FAF2: variants seen among roughly 807,000 people sequenced by gnomAD.
FAF2 encodes FAS-associated factor 2.
Under a neutral mutation model 62.3 loss-of-function variants are expected in FAF2, and 9 were observed. That is an observed-to-expected ratio of 0.14 (90% CI 0.09 to 0.25). FAF2 has a LOEUF of 0.25. FAF2 is among the 10% of genes least tolerant of loss of function. The pLI is 1.00. For synonymous variants in FAF2, 202 were observed against 198.0 expected (o/e 1.02, Z -0.17); for missense variants, 368 against 556.2 (o/e 0.66, Z 3.40).
At chr5:176,495,879 G>C (rs147568357) in intron 7 of FAF2, among the ~76,000 whole-genome samples, 1 of 152,106 alleles carries the variant, frequency 6.6e-6, no homozygotes, top group Admixed American at 6.6e-5. Context: ...GAAAAGTTAC[G>C]TGGGGAGAAA....
At chr5:176,465,612 C>T (rs938781749) in intron 1 of FAF2, among the ~76,000 whole-genome samples, 1 of 152,112 alleles carries the variant, frequency 6.6e-6, no homozygotes, top group African/African-American at 2.4e-5. Context: ...GGTGATCTGC[C>T]CTCCTTGGCC....
intron 7 of FAF2, among the ~76,000 whole-genome samples, chr5:176,495,920 A>G (rs1755457911): frequency 6.6e-6 from 1 of 152,186 alleles, no homozygotes; most frequent in Admixed American, 6.6e-5. Context: ...AAGAGAAAAA[A>G]AAATGATGAT....
intron 8 of FAF2, 118 bp from the exon 9 acceptor site, chr5:176,498,796 A>G: frequency 1.0e-6 from 1 of 956,856 alleles, no homozygotes; most frequent in Non-Finnish European, 1.4e-6. Context: ...TGAAATCGTC[A>G]TCTGCTAAGA....
At chr5:176,501,588 G>T (rs1394954095) in intron 10 of FAF2, among the ~76,000 whole-genome samples, 1 of 152,212 alleles carries the variant, frequency 6.6e-6, no homozygotes, top group Non-Finnish European at 1.5e-5. Context: ...GTGAGACATG[G>T]TTTTGGAATT....
At chr5:176,504,262 G>A (rs1755641625) in intron 10 of FAF2, among the ~76,000 whole-genome samples, 1 of 152,034 alleles carries the variant, frequency 6.6e-6, no homozygotes, top group Non-Finnish European at 1.5e-5. Flanking sequence ...GGTCACCTGA[G>A]GTCAGGAGTT....
chr5:176,473,592 TC>T (rs1758611773), intron 1 of FAF2, among the ~76,000 whole-genome samples: 1 of 152,248 alleles, frequency 6.6e-6, no homozygotes, highest in South Asian at 2.1e-4. Context: ...ATGTTCTACT[TC>T]CTTGAAGGTA....
intron 1 of FAF2, among the ~76,000 whole-genome samples, chr5:176,477,261 T>C (rs1481581082): frequency 6.7e-6 from 1 of 148,348 alleles, no homozygotes; most frequent in African/African-American, 2.5e-5. Context: ...TTTTTTTTTT[T>C]TTTAAGTAGA....
At position 176,507,036 on chromosome 5, in the gene FAF2, CAA is replaced by C. The variant is rs1451382910; in HGVS notation, c.*87_*88del. 7.5e-5 allele frequency: 63 copies of C among 842,648 alleles called. No individual in the cohort carries two copies. Among genetic ancestry groups the C allele is most frequent in the African/African-American group, 1.4e-4 (8 of 56,304 alleles). 52.2% of individuals were successfully genotyped at this position (842,648 alleles called of 1,614,324 possible). A position where few individuals can be genotyped will look rare whatever the true frequency, so the allele number is the denominator to read the frequency against. On this transcript the variant is annotated 3_prime_UTR_variant, in exon 11 of 11. Coordinates refer to ENST00000261942, the MANE Select transcript of FAF2 (RefSeq NM_014613.3). Reference sequence around the variant, plus strand: ...ACAACAGCAAGTCAGAAAAAAAAAACAAGAGAGAGAAATTCATATTATTATTA... The same window carrying C: ...ACAACAGCAAGTCAGAAAAAAAAAACGAGAGAGAAATTCATATTATTATTA...
chr5:176,494,934 C>T lies in FAF2; in HGVS notation c.661+659C>T, dbSNP rs150654868. ...CAGCATTGCCAAAGCCTGCCACATT[C>T]ATAGAAATACCCAGTCTTGGCTAGC... On this transcript the variant is annotated intron_variant, in intron 7 of 10. Coordinates refer to ENST00000261942, the MANE Select transcript of FAF2 (RefSeq NM_014613.3). This position sits in a 1 kb window ranked among gnomAD's most constrained non-coding sequence, Gnocchi z 4.0. 1.5e-3 allele frequency among the ~76,000 whole-genome samples: 230 copies of T among 152,324 alleles called. No individual in the cohort carries two copies. Among genetic ancestry groups the T allele is most frequent in the African/African-American group, 5.2e-3 (218 of 41,574 alleles).
intron 4 of FAF2, among the ~76,000 whole-genome samples, chr5:176,490,174 G>A (rs547287528): frequency 5.9e-5 from 9 of 152,154 alleles, no homozygotes; most frequent in South Asian, 2.1e-4. Context: ...AGCCGGGCGC[G>A]GTGGCTGGTG....
At position 176,509,158 on chromosome 5, in the gene FAF2, C is replaced by T. The variant is rs1375373846; in HGVS notation, c.*2208C>T. Reference sequence around the variant, plus strand: ...CAAGAGGATTCACCGGAAGCACATGCCCCGGTCTAGTCCCATTTGAAACAG... The same window carrying T: ...CAAGAGGATTCACCGGAAGCACATGTCCCGGTCTAGTCCCATTTGAAACAG... On this transcript the variant is annotated 3_prime_UTR_variant, in exon 11 of 11. Coordinates refer to ENST00000261942, the MANE Select transcript of FAF2 (RefSeq NM_014613.3). 6.6e-6 allele frequency: 1 copy of T among 152,208 alleles called. No individual in the cohort carries two copies. Among genetic ancestry groups the T allele is most frequent in the African/African-American group, 2.4e-5 (1 of 41,430 alleles). 9.4% of individuals were successfully genotyped at this position (152,208 alleles called of 1,614,324 possible). A position where few individuals can be genotyped will look rare whatever the true frequency, so the allele number is the denominator to read the frequency against.
intron 2 of FAF2, among the ~76,000 whole-genome samples, chr5:176,481,523 G>C (rs972139503): frequency 6.6e-5 from 10 of 151,992 alleles, no homozygotes; most frequent in Non-Finnish European, 1.5e-4. Flanking sequence ...CAGGTGTGGT[G>C]GTGGGCGCCT....
At chr5:176,452,299 C>G (rs905167256) in intron 1 of FAF2, among the ~76,000 whole-genome samples, 13 of 152,104 alleles carry the variant, frequency 8.5e-5, no homozygotes, top group Non-Finnish European at 1.8e-4. Context: ...CTCAGGTGAT[C>G]CACCTGCCTC....
rs187720512 is a variant in FAF2 at position 176,481,345 on chromosome 5, C to T, written c.132+2089C>T. Among the ~76,000 whole-genome samples the T allele has an allele frequency of 7.2e-5, 11 of 152,216 alleles. No individual in the cohort carries two copies. In the East Asian group the frequency reaches 2.0e-3, roughly 27 times the overall value. On this transcript the variant is annotated intron_variant, in intron 2 of 10. Coordinates refer to ENST00000261942, the MANE Select transcript of FAF2 (RefSeq NM_014613.3). Reference sequence around the variant, plus strand: ...ACAGGCATGAGCCACCACACCTGGCCTTGTTTTTTTCTTTCTAAGAGACAG... The same window carrying T: ...ACAGGCATGAGCCACCACACCTGGCTTTGTTTTTTTCTTTCTAAGAGACAG...
At chr5:176,506,024 G>A (rs2963678) in intron 10 of FAF2, among the ~76,000 whole-genome samples, 126,154 of 151,802 alleles carry the variant, frequency 0.83, 52,594 homozygotes, top group African/African-American at 0.91. Context: ...CCCCATCTCT[G>A]CTAAAAATAC....
At chr5:176,464,746 T>A (rs1241086212) in intron 1 of FAF2, among the ~76,000 whole-genome samples, 2 of 142,012 alleles carry the variant, frequency 1.4e-5, no homozygotes. Context: ...GGGATATTAG[T>A]TTTTTTTTTT....
At chr5:176,506,203 A>AAC (rs1554133974) in intron 10 of FAF2, among the ~76,000 whole-genome samples, 13 of 144,346 alleles carry the variant, frequency 9.0e-5, no homozygotes, top group East Asian at 4.6e-4. Flanking sequence ...AAAAAAAAAA[A>AAC]AAACAAAAAA....
intron 2 of FAF2, among the ~76,000 whole-genome samples, chr5:176,482,890 GTGGTTT>G (rs1758806679): frequency 6.9e-6 from 1 of 145,830 alleles, no homozygotes; most frequent in South Asian, 2.1e-4. Flanking sequence ...ATAGTGGTTT[GTGGTTT>G]TGTTGTTGTT....
intron 1 of FAF2, among the ~76,000 whole-genome samples, chr5:176,477,203 C>A (rs1255628936): frequency 6.7e-6 from 1 of 148,594 alleles, no homozygotes; most frequent in African/African-American, 2.5e-5. Flanking sequence ...CCTCGGCCTC[C>A]CAAAGTGCTG....
Sources: allele counts gnomAD v4.1 joint callset (sites outside exome capture counted in the v4.1 genomes callset), GRCh38; gene constraint gnomAD v4.1.1; non-coding constraint Gnocchi (gnomAD v3.1); transcripts MANE v1.5; gene names NCBI Gene and HGNC (gene_info 2026-07-23, HGNC 2026-07-21).